TPR: variants seen among roughly 807,000 people sequenced by gnomAD.
TPR encodes nucleoprotein TPR.
Under a neutral mutation model 316.1 loss-of-function variants are expected in TPR, and 51 were observed. That is an observed-to-expected ratio of 0.16 (90% CI 0.13 to 0.20). The LOEUF (loss-of-function observed/expected upper bound fraction) is 0.20, where lower values mean the gene tolerates loss of function less well. Ranked by LOEUF, TPR falls within the 10% of genes least tolerant of loss-of-function variation. The pLI is 1.00. For synonymous variants in TPR, 981 were observed against 914.7 expected (o/e 1.07, Z -1.31); for missense variants, 2,272 against 2,754.8 (o/e 0.82, Z 3.92).
At chr1:186,332,499 T>G (rs866184307) in intron 37 of TPR, among the ~76,000 whole-genome samples, 156 bp from the exon 38 acceptor site, 32 of 152,166 alleles carry the variant, frequency 2.1e-4, no homozygotes, top group African/African-American at 7.2e-4. Flanking sequence ...TAGATCAATG[T>G]CCATCAACAT....
At chr1:186,362,211 G>T in intron 7 of TPR, 77 bp downstream of exon 7, 2 of 1,215,694 alleles carry the variant, frequency 1.6e-6, no homozygotes, top group South Asian at 1.3e-5. Flanking sequence ...ATTAAAAAAT[G>T]ACATCATTTT....
rs1558011680 is a variant in TPR, at chr1:186,343,380, T to C, written c.3696A>G (p.Glu1232=). The part of the protein sequence containing the change: ...LRYRQRVELL[E]RELQELQDSL... Reference sequence around the variant, plus strand: ...TATCTTGCAGTTCCTGCAGCTCTCTTTCTAAAAGTTCAACCCTTTGTCGAT... The same window carrying C: ...TATCTTGCAGTTCCTGCAGCTCTCTCTCTAAAAGTTCAACCCTTTGTCGAT... The change falls in exon 27 of 51, where the codon GAA becomes GAG. Residue 1232 remains glutamate (E), a synonymous_variant. Coordinates refer to ENST00000367478, the MANE Select transcript of TPR (RefSeq NM_003292.3). The C allele has an allele frequency of 6.2e-7, 1 of 1,614,110 alleles. No homozygotes were observed. Among genetic ancestry groups the C allele is most frequent in the Non-Finnish European group, 8.5e-7 (1 of 1,179,976 alleles).
At chr1:186,365,127 G>A (rs1659305300) in intron 4 of TPR, among the ~76,000 whole-genome samples, 2 of 117,792 alleles carry the variant, frequency 1.7e-5, no homozygotes, top group Admixed American at 1.0e-4. Flanking sequence ...AGACAGTCTC[G>A]CTCTATCCCC....
At position 186,363,316 on chromosome 1, in the gene TPR, T is replaced by C. The variant is rs560233014; in HGVS notation, c.531+26A>G. On this transcript the variant is annotated intron_variant, in intron 5 of 50. Transcript: ENST00000367478. The stretch of plus-strand genomic sequence containing the variant: ...AGTTTTAATAAAAAGCTATAGTTTA[T>C]GCATTAGGAATCATCTGGTACTTGC... 12 of 1,519,162 alleles carry C rather than the reference T, an allele frequency of 7.9e-6. No homozygotes were observed. The South Asian group carries it at 1.4e-4, about 17-fold the overall frequency. The allele number at this position is 1,519,162 out of a possible 1,614,324, so 94.1% of individuals were successfully genotyped here.
At chr1:186,352,571 A>G (rs1044531698) in intron 18 of TPR, among the ~76,000 whole-genome samples, 7 of 152,196 alleles carry the variant, frequency 4.6e-5, no homozygotes, top group African/African-American at 1.7e-4. Flanking sequence ...CAAGGGGACC[A>G]GGGAGAGTGT....
intron 46 of TPR, among the ~76,000 whole-genome samples, chr1:186,319,819 T>C (rs1657723601): frequency 2.6e-5 from 4 of 152,220 alleles, no homozygotes; most frequent in Admixed American, 2.6e-4. Context: ...TAGCTAATTC[T>C]ACTACTTAAT....
chr1:186,347,167 C>A, intron 22 of TPR, 125 bp downstream of exon 22: 2 of 1,003,330 alleles, frequency 2.0e-6, no homozygotes, highest in Non-Finnish European at 2.9e-6. Context: ...AGTACTTTCA[C>A]AAGGTTAAAG....
intron 38 of TPR, among the ~76,000 whole-genome samples, chr1:186,331,811 T>A (rs1190788913): frequency 6.6e-6 from 1 of 152,124 alleles, no homozygotes; most frequent in African/African-American, 2.4e-5. Context: ...GTAGCCTTAA[T>A]GTTTGATTTG....
chr1:186,313,868 T>C lies in TPR; in HGVS notation c.*103A>G. The C allele has an allele frequency of 6.9e-7, 1 of 1,457,902 alleles. No individual in the cohort carries two copies. Among genetic ancestry groups the C allele is most frequent in the Non-Finnish European group, 9.6e-7 (1 of 1,039,576 alleles). The allele number at this position is 1,457,902 out of a possible 1,614,324, so 90.3% of individuals were successfully genotyped here. Reference sequence around the variant, plus strand: ...ATTTTATTAATAAAGAATATTGACATGAGTATACCAGTTTATATATAAAAA... The same window carrying C: ...ATTTTATTAATAAAGAATATTGACACGAGTATACCAGTTTATATATAAAAA... On this transcript the variant is annotated 3_prime_UTR_variant, in exon 51 of 51. Transcript: ENST00000367478.
intron 42 of TPR, among the ~76,000 whole-genome samples, chr1:186,324,388 C>T (rs1218283425): frequency 6.6e-6 from 1 of 152,142 alleles, no homozygotes; most frequent in African/African-American, 2.4e-5. Flanking sequence ...AGCCTTACAA[C>T]TACATTTTAA....
At chr1:186,349,315 A>G (rs1178766449) in intron 21 of TPR, among the ~76,000 whole-genome samples, 1 of 152,222 alleles carries the variant, frequency 6.6e-6, no homozygotes, top group Non-Finnish European at 1.5e-5. Flanking sequence ...TGTGTAAATC[A>G]GAAAGTCTGC....
intron 2 of TPR, 53 bp from the exon 3 acceptor site, chr1:186,371,096 G>T: frequency 7.0e-7 from 1 of 1,431,290 alleles, no homozygotes; most frequent in South Asian, 1.2e-5. Context: ...AACTTGCAAT[G>T]AGTGTTTTTA....
At chr1:186,365,702 C>A (rs565846817) in intron 4 of TPR, among the ~76,000 whole-genome samples, 4 of 152,288 alleles carry the variant, frequency 2.6e-5, no homozygotes, top group Admixed American at 2.6e-4. Flanking sequence ...GCCATCAAGG[C>A]TGAAATAATA....
intron 50 of TPR, 47 bp downstream of exon 50, chr1:186,314,582 T>C (rs760600219): frequency 9.7e-6 from 14 of 1,440,700 alleles, no homozygotes; most frequent in Admixed American, 4.1e-5. Context: ...TTCCATTTAT[T>C]ACTATTCCAC....
rs1430338281 is a variant in TPR, at chr1:186,344,076, T to C, written c.3432A>G (p.Lys1144=). ...CCAGATCTTCACAGCGACATACACA[T>C]TTGGAAACTTCATCCTGCAAGCCAA... ...RERMLKDEVS[K]CVCRCEDLEK... Residue 1144 remains lysine (K), a synonymous_variant, in exon 26 of 51, where the codon AAA becomes AAG. Coordinates refer to ENST00000367478, the MANE Select transcript of TPR (RefSeq NM_003292.3). 1 of 1,612,986 alleles carries C rather than the reference T, an allele frequency of 6.2e-7. No homozygotes were observed. The highest frequency in any genetic ancestry group is 8.5e-7 in the Non-Finnish European group (1 of 1,179,670).
chr1:186,360,662 T>C lies in TPR; in HGVS notation c.1099+103A>G, dbSNP rs1659158545. The C allele has an allele frequency of 3.4e-6, 5 of 1,457,000 alleles. No homozygotes were observed. In the Middle Eastern group the frequency reaches 7.8e-4, roughly 226 times the overall value. The allele number at this position is 1,457,000 out of a possible 1,614,324, so 90.3% of individuals were successfully genotyped here. On this transcript the variant is annotated intron_variant, in intron 10 of 50. Coordinates refer to ENST00000367478, the MANE Select transcript of TPR (RefSeq NM_003292.3). Reference sequence around the variant, plus strand: ...ATTAATATAACTCGATGGAGTTTCCTACATCACAGCATGACAGATAAATAC... The same window carrying C: ...ATTAATATAACTCGATGGAGTTTCCCACATCACAGCATGACAGATAAATAC...
At chr1:186,341,551 A>G in intron 27 of TPR, 162 bp from the exon 28 acceptor site, 1 of 645,652 alleles carries the variant, frequency 1.5e-6, no homozygotes, top group Non-Finnish European at 2.5e-6. Flanking sequence ...TCTGTGAGGC[A>G]TGCGAACTGC....
chr1:186,336,956 A>G, intron 32 of TPR, 57 bp downstream of exon 32: 2 of 1,604,686 alleles, frequency 1.2e-6, no homozygotes, highest in Non-Finnish European at 1.7e-6. Context: ...GTTAACACAT[A>G]TTTCTTTAGG....
At position 186,332,346 on chromosome 1, in the gene TPR, T is replaced by G. The variant is rs551116372; in HGVS notation, c.5456-3A>C. ...AGAAGAACTGGGGGTAGCCGAAACT[T>G]TGAAATTATATAAATCTTGAATTAG... On this transcript the variant is annotated splice_polypyrimidine_tract_variant and splice_region_variant and intron_variant, in intron 37 of 50. Coordinates refer to ENST00000367478, the MANE Select transcript of TPR (RefSeq NM_003292.3). 12 of 1,611,356 alleles carry G rather than the reference T, an allele frequency of 7.4e-6. No individual in the cohort carries two copies. In the African/African-American group the frequency reaches 1.5e-4, roughly 20 times the overall value.
Sources: allele counts gnomAD v4.1 joint callset (sites outside exome capture counted in the v4.1 genomes callset), GRCh38; gene constraint gnomAD v4.1.1; transcripts MANE v1.5; gene names NCBI Gene and HGNC (gene_info 2026-07-23, HGNC 2026-07-21).